Variants in CNTLN observed in about 807,000 individuals in gnomAD.
CNTLN encodes the protein centlein.
CNTLN carries 212 observed loss-of-function variants against 180.0 expected under a neutral mutation model. The observed-to-expected ratio is 1.18, with a 90% CI of 1.05 to 1.32. The LOEUF is 1.32. CNTLN is among the 40% of genes most tolerant of loss of function. CNTLN has a pLI of 0.00. For missense variants in CNTLN, 2,095 were observed against 1,610.9 expected, an observed-to-expected ratio of 1.30 and a Z score of -5.14; for synonymous variants, 722 against 563.1, an observed-to-expected ratio of 1.28 and a Z score of -3.99.
chr9:17,210,869 G>C (rs1291368919), intron 2 of CNTLN, among the ~76,000 whole-genome samples: 1 of 152,124 alleles, frequency 6.6e-6, no homozygotes, highest in Non-Finnish European at 1.5e-5. Context: ...AGAAGTGTCT[G>C]TTCATATCCT....
chr9:17,327,026 G>C (rs747097026), intron 8 of CNTLN, among the ~76,000 whole-genome samples: 4 of 152,066 alleles, frequency 2.6e-5, no homozygotes, highest in African/African-American at 4.8e-5. Flanking sequence ...TTCAGTAATT[G>C]TAACAAATGT....
At position 17,503,903 on chromosome 9, in the gene CNTLN, A is replaced by G. The variant is rs1037716020; in HGVS notation, c.*1251A>G. On this transcript the variant is annotated 3_prime_UTR_variant, in exon 26 of 26. Transcript: ENST00000380647. Reference sequence around the variant, plus strand: ...AAAATTCAAATTTTGGTGTCTGTTAATAAAGTTTTATTGGAACACAGTGGT... The same window carrying G: ...AAAATTCAAATTTTGGTGTCTGTTAGTAAAGTTTTATTGGAACACAGTGGT... The G allele has an allele frequency of 6.6e-6, 1 of 151,726 alleles. No homozygotes were observed. Among genetic ancestry groups the G allele is most frequent in the Non-Finnish European group, 1.5e-5 (1 of 68,034 alleles). 9.4% of individuals were successfully genotyped at this position (151,726 alleles called of 1,614,324 possible). A position where few individuals can be genotyped will look rare whatever the true frequency, so the allele number is the denominator to read the frequency against.
chr9:17,468,055 C>T (rs1831848192), intron 23 of CNTLN, among the ~76,000 whole-genome samples: 1 of 151,632 alleles, frequency 6.6e-6, no homozygotes, highest in African/African-American at 2.4e-5. Flanking sequence ...GGATACTACA[C>T]AGCCATAGAA....
chr9:17,302,277 A>C (rs1818424665), intron 7 of CNTLN, among the ~76,000 whole-genome samples: 1 of 151,786 alleles, frequency 6.6e-6, no homozygotes, highest in Non-Finnish European at 1.5e-5. Context: ...ACTCACTGCA[A>C]CCTCTGCCTC....
chr9:17,180,118 G>C (rs866176937), intron 2 of CNTLN, among the ~76,000 whole-genome samples: 2 of 150,556 alleles, frequency 1.3e-5, no homozygotes, highest in African/African-American at 2.4e-5. Flanking sequence ...AATCTACTCT[G>C]TTGAGCACTT....
At chr9:17,366,161 T>C (rs956392513) in intron 12 of CNTLN, among the ~76,000 whole-genome samples, 2 of 152,170 alleles carry the variant, frequency 1.3e-5, no homozygotes, top group Non-Finnish European at 2.9e-5. Context: ...GGGCCTAATC[T>C]TTTGCCCAGG....
chr9:17,224,576 G>C (rs996429515), intron 2 of CNTLN, among the ~76,000 whole-genome samples: 5 of 151,882 alleles, frequency 3.3e-5, no homozygotes, highest in Middle Eastern at 3.2e-3. Context: ...TAGTGTTCTG[G>C]ATGAATCCCT....
chr9:17,483,230 C>T (rs1374944218), intron 23 of CNTLN, among the ~76,000 whole-genome samples: 1 of 152,104 alleles, frequency 6.6e-6, no homozygotes, highest in Non-Finnish European at 1.5e-5. Flanking sequence ...TGATGCTCAA[C>T]TTTGTTTATA....
At chr9:17,314,399 G>T (rs551431373) in intron 8 of CNTLN, among the ~76,000 whole-genome samples, 2 of 152,292 alleles carry the variant, frequency 1.3e-5, no homozygotes, top group South Asian at 4.1e-4. Flanking sequence ...ATAAATATAT[G>T]AATCAGAATT....
At chr9:17,149,213 A>G (rs923472089) in intron 2 of CNTLN, among the ~76,000 whole-genome samples, 1 of 152,122 alleles carries the variant, frequency 6.6e-6, no homozygotes, top group African/African-American at 2.4e-5. Flanking sequence ...TATCCAGTCT[A>G]TCATTGATGG....
chr9:17,427,111 CTCTCCGAGCCCAAGG>C (rs1426946080), intron 18 of CNTLN, among the ~76,000 whole-genome samples: 1 of 152,040 alleles, frequency 6.6e-6, no homozygotes, highest in Non-Finnish European at 1.5e-5. Flanking sequence ...CAAATTTGGC[CTCTCCGAGCCCAAGG>C]TCAAAGTTTC....
intron 18 of CNTLN, among the ~76,000 whole-genome samples, chr9:17,443,283 A>G (rs1288656434): frequency 6.6e-6 from 1 of 152,188 alleles, no homozygotes; most frequent in African/African-American, 2.4e-5. Flanking sequence ...AAATTACTAT[A>G]ATTAGTAAGA....
intron 5 of CNTLN, among the ~76,000 whole-genome samples, chr9:17,260,213 C>T (rs1034182218): frequency 6.7e-6 from 1 of 149,114 alleles, no homozygotes; most frequent in Non-Finnish European, 1.5e-5. Context: ...ATCTTTATTT[C>T]TGCCTTCATT....
At chr9:17,506,879 G>C (rs1833941850), downstream of CNTLN, among the ~76,000 whole-genome samples, 1 of 151,896 alleles carries the variant, frequency 6.6e-6, no homozygotes, top group African/African-American at 2.4e-5. Flanking sequence ...ATACGTATGG[G>C]GTAAAATAGA....
In CNTLN at chr9:17,263,870, G is replaced by A. The variant is rs10962972; in HGVS notation, c.850-9863G>A. ...TGAGAAGTGTCTGTTCATATCCTTC[G>A]CCCACTTTTTGATGGGGTTGTTTGT... On this transcript the variant is annotated intron_variant, in intron 5 of 25. Coordinates refer to ENST00000380647, the MANE Select transcript of CNTLN (RefSeq NM_017738.4). Among the ~76,000 whole-genome samples, 1,108 of 123,210 alleles carry A rather than the reference G, an allele frequency of 9.0e-3. 8 individuals are homozygous for A. The highest frequency in any genetic ancestry group is 0.023 in the South Asian group (72 of 3,120). The allele number at this position is 123,210 out of a possible 152,430, so 80.8% of individuals were successfully genotyped here.
intron 6 of CNTLN, among the ~76,000 whole-genome samples, chr9:17,283,647 G>T (rs1828798874): frequency 6.6e-6 from 1 of 152,162 alleles, no homozygotes; most frequent in African/African-American, 2.4e-5. Context: ...AATAGAAGTG[G>T]TGAGAGACAG....
chr9:17,371,972 A>C (rs1477824572), intron 13 of CNTLN, among the ~76,000 whole-genome samples: 1 of 152,120 alleles, frequency 6.6e-6, no homozygotes, highest in African/African-American at 2.4e-5. Context: ...AAGCAATACT[A>C]AGAGGGAAGT....
intron 18 of CNTLN, among the ~76,000 whole-genome samples, chr9:17,443,676 TC>T (rs1484930093): frequency 1.3e-5 from 2 of 152,090 alleles, no homozygotes; most frequent in Non-Finnish European, 2.9e-5. Flanking sequence ...ATTGTATTTT[TC>T]TTTATATACC....
chr9:17,409,821 A>C (rs962149532), intron 16 of CNTLN, among the ~76,000 whole-genome samples: 1 of 152,088 alleles, frequency 6.6e-6, no homozygotes, highest in Non-Finnish European at 1.5e-5. Flanking sequence ...ATTTAGTCTG[A>C]CTAAATCTCT....
Sources: gnomAD v4.1 joint callset for allele counts (sites outside exome capture counted in the v4.1 genomes callset) on GRCh38, gnomAD v4.1.1 for gene constraint, MANE v1.5 for transcripts, NCBI Gene and HGNC (gene_info 2026-07-23, HGNC 2026-07-21) for gene names.